ARL15: variants seen among roughly 807,000 people sequenced by gnomAD.
ARL15 encodes ADP-ribosylation factor-like protein 15.
Under a neutral mutation model 25.2 loss-of-function variants are expected in ARL15, and 19 were observed. The ratio of observed to expected loss-of-function variants is 0.75; its 90% CI spans 0.53 to 1.10. ARL15 has a LOEUF of 1.10. Ranked by LOEUF, ARL15 falls within the 50% of genes least tolerant of loss-of-function variation. ARL15 has a pLI of 0.00. For synonymous variants in ARL15, 94 were observed against 86.8 expected (o/e 1.08, Z -0.46); for missense variants, 220 against 246.0 (o/e 0.89, Z 0.71).
intron 1 of ARL15, among the ~76,000 whole-genome samples, chr5:54,263,002 G>A (rs1370400842): frequency 6.6e-6 from 1 of 152,114 alleles, no homozygotes; most frequent in Middle Eastern, 3.2e-3. Context: ...GGATGGGGTG[G>A]GAAAGTAGGA....
intron 4 of ARL15, among the ~76,000 whole-genome samples, chr5:53,995,970 G>C (rs1039529410): frequency 7.2e-5 from 11 of 152,216 alleles, no homozygotes; most frequent in Non-Finnish European, 2.9e-5. Context: ...GGGTGGTTGA[G>C]TGTTCCTTAA....
chr5:53,934,100 G>A (rs1303103236), intron 4 of ARL15, among the ~76,000 whole-genome samples: 1 of 152,190 alleles, frequency 6.6e-6, no homozygotes, highest in African/African-American at 2.4e-5. Context: ...GATGTTTATA[G>A]AAATGTTTCC....
intron 4 of ARL15, among the ~76,000 whole-genome samples, chr5:53,983,146 A>T (rs1422495664): frequency 4.6e-5 from 7 of 152,186 alleles, no homozygotes; most frequent in Non-Finnish European, 8.8e-5. Context: ...TGTAGATAAT[A>T]AACAGCGGTC....
chr5:53,990,149 G>A (rs1408808859), intron 4 of ARL15, among the ~76,000 whole-genome samples: 4 of 151,978 alleles, frequency 2.6e-5, no homozygotes, highest in Non-Finnish European at 5.9e-5. Flanking sequence ...GATCGCTCAA[G>A]CCCAGGTCGT....
chr5:53,920,475 T>A (rs1025689329), intron 4 of ARL15, among the ~76,000 whole-genome samples: 1 of 151,974 alleles, frequency 6.6e-6, no homozygotes, highest in Non-Finnish European at 1.5e-5. Flanking sequence ...TGAGCATCAC[T>A]GTAGCTGCTG....
At chr5:54,067,400 T>C (rs1479510703) in intron 4 of ARL15, among the ~76,000 whole-genome samples, 2 of 152,206 alleles carry the variant, frequency 1.3e-5, no homozygotes, top group Admixed American at 1.3e-4. Context: ...TGATTAAAGA[T>C]TTCACAAGAG....
At chr5:54,012,116 G>A (rs955355675) in intron 4 of ARL15, among the ~76,000 whole-genome samples, 5 of 152,158 alleles carry the variant, frequency 3.3e-5, no homozygotes, top group African/African-American at 1.2e-4. Context: ...AAAAATAACA[G>A]ATTTTAAATA....
At chr5:54,223,441 G>C (rs1756434426) in intron 1 of ARL15, among the ~76,000 whole-genome samples, 2 of 152,138 alleles carry the variant, frequency 1.3e-5, no homozygotes, top group Admixed American at 6.5e-5. Flanking sequence ...TGGTTTAGGA[G>C]CTAAAGTTGA....
chr5:54,065,240 T>A (rs1459797176), intron 4 of ARL15, among the ~76,000 whole-genome samples: 2 of 152,214 alleles, frequency 1.3e-5, no homozygotes, highest in South Asian at 2.1e-4. Context: ...CCACCATGTT[T>A]AGTAATAATT....
At chr5:54,184,480 A>C (rs1755175673) in intron 1 of ARL15, among the ~76,000 whole-genome samples, 1 of 146,658 alleles carries the variant, frequency 6.8e-6, no homozygotes, top group Admixed American at 6.8e-5. Context: ...AGAGAGAGAG[A>C]GAGACTAGGT....
chr5:53,952,533 A>T (rs809798), intron 4 of ARL15, among the ~76,000 whole-genome samples: 1 of 151,814 alleles, frequency 6.6e-6, no homozygotes, highest in Non-Finnish European at 1.5e-5. Context: ...TTAGCACTAC[A>T]TTAAAAAAAA....
intron 4 of ARL15, among the ~76,000 whole-genome samples, chr5:53,996,782 G>C (rs1435785874): frequency 4.6e-5 from 7 of 152,152 alleles, no homozygotes; most frequent in Non-Finnish European, 1.0e-4. Context: ...TCTCTAGTTA[G>C]AGACTACTGA....
intron 1 of ARL15, among the ~76,000 whole-genome samples, chr5:54,219,047 C>T (rs1278757687): frequency 6.7e-6 from 1 of 150,258 alleles, no homozygotes; most frequent in African/African-American, 2.5e-5. Context: ...ATGTAAATGA[C>T]AGATTTTAAA....
chr5:54,040,279 CT>C (rs1196485471), intron 4 of ARL15, among the ~76,000 whole-genome samples: 1 of 152,072 alleles, frequency 6.6e-6, no homozygotes, highest in Non-Finnish European at 1.5e-5. Context: ...CACTTTGTCC[CT>C]CTTTTAATGA....
intron 4 of ARL15, among the ~76,000 whole-genome samples, chr5:53,963,184 C>G (rs1747426793): frequency 6.6e-6 from 1 of 152,176 alleles, no homozygotes; most frequent in Admixed American, 6.5e-5. Context: ...TCCCCTTTCT[C>G]AAGTGAACAA....
chr5:54,026,599 A>G (rs914879258), intron 4 of ARL15, among the ~76,000 whole-genome samples: 1 of 152,192 alleles, frequency 6.6e-6, no homozygotes, highest in Non-Finnish European at 1.5e-5. Context: ...TTCTGAGTCG[A>G]ACATTCAAGA....
At chr5:54,259,846 C>T (rs908499382) in intron 1 of ARL15, among the ~76,000 whole-genome samples, 19 of 152,136 alleles carry the variant, frequency 1.2e-4, no homozygotes, top group African/African-American at 4.3e-4. Flanking sequence ...TCCTGGCCAG[C>T]AACTTGATTG....
In ARL15 at chr5:54,288,102, C is replaced by A. The variant is rs375713065; in HGVS notation, c.48+22330G>T. On this transcript the variant is annotated intron_variant, in intron 1 of 4. Transcript: ENST00000504924. Reference sequence around the variant, plus strand: ...TACAAAAAAGAAAAGCTACACAAAGCAGAGGAGAATAACAACCCTGCTAAT... The same window carrying A: ...TACAAAAAAGAAAAGCTACACAAAGAAGAGGAGAATAACAACCCTGCTAAT... Among the ~76,000 whole-genome samples, 579 of 122,800 alleles carry A rather than the reference C, an allele frequency of 4.7e-3. 1 individual carries two copies. Among genetic ancestry groups the A allele is most frequent in the African/African-American group, 0.013 (540 of 40,602 alleles). The allele number at this position is 122,800 out of a possible 152,430, so 80.6% of individuals were successfully genotyped here.
chr5:54,212,469 A>G (rs1450799790), intron 1 of ARL15, among the ~76,000 whole-genome samples: 4 of 152,122 alleles, frequency 2.6e-5, no homozygotes, highest in Non-Finnish European at 4.4e-5. Context: ...ACTAGTCAGA[A>G]CCGAGCAACA....
Sources: gnomAD v4.1 joint callset for allele counts (sites outside exome capture counted in the v4.1 genomes callset) on GRCh38, gnomAD v4.1.1 for gene constraint, MANE v1.5 for transcripts, NCBI Gene and HGNC (gene_info 2026-07-23, HGNC 2026-07-21) for gene names.